Variants in RXRA observed in about 807,000 individuals in gnomAD.
RXRA encodes the protein retinoid X receptor alpha.
In RXRA, 5 loss-of-function variants were observed where a neutral mutation model predicts 44.5. The ratio of observed to expected loss-of-function variants is 0.11; its 90% CI spans 0.06 to 0.24. The LOEUF (loss-of-function observed/expected upper bound fraction) is 0.24. Ranked by LOEUF, RXRA falls within the 10% of genes least tolerant of loss-of-function variation. RXRA has a pLI of 1.00. For missense variants in RXRA, 412 were observed against 646.5 expected (o/e 0.64, Z 3.93); for synonymous variants, 291 against 271.4 (o/e 1.07, Z -0.71).
chr9:134,348,956 G>A (rs1830187974), intron 1 of RXRA, among the ~76,000 whole-genome samples: 1 of 152,214 alleles, frequency 6.6e-6, no homozygotes, highest in South Asian at 2.1e-4. Context: ...AGTGCCAACC[G>A]TGGCGTTGCG....
chr9:134,354,262 G>A (rs1311493121), intron 1 of RXRA, among the ~76,000 whole-genome samples: 1 of 152,192 alleles, frequency 6.6e-6, no homozygotes, highest in Non-Finnish European at 1.5e-5. Flanking sequence ...CGGTCTCTGC[G>A]GCTAATCTAA....
chr9:134,355,085 A>C (rs546873899), intron 1 of RXRA, among the ~76,000 whole-genome samples: 1 of 152,346 alleles, frequency 6.6e-6, no homozygotes, highest in Admixed American at 6.5e-5. Flanking sequence ...GCGGTGGCTC[A>C]GCTCCAATTC....
intron 1 of RXRA, among the ~76,000 whole-genome samples, chr9:134,381,847 T>G (rs115949070): frequency 0.02 from 3,111 of 152,152 alleles, 98 homozygotes; most frequent in African/African-American, 0.069. Flanking sequence ...CGTCGTGAAG[T>G]GGCCACAAGG....
At chr9:134,328,847 A>G (rs1190443991) in intron 1 of RXRA, among the ~76,000 whole-genome samples, 2 of 151,882 alleles carry the variant, frequency 1.3e-5, no homozygotes, top group Non-Finnish European at 2.9e-5. Context: ...CCCAGCATTC[A>G]CTACCGCTGG....
chr9:134,369,661 G>A lies in RXRA; in HGVS notation c.29-31971G>A, dbSNP rs555490165. 5.3e-5 allele frequency among the ~76,000 whole-genome samples: 8 copies of A among 152,114 alleles called. No individual in the cohort carries two copies. In the South Asian group the frequency reaches 6.2e-4, roughly 12 times the overall value. On this transcript the variant is annotated intron_variant, in intron 1 of 9. Coordinates refer to ENST00000481739, the MANE Select transcript of RXRA (RefSeq NM_002957.6). Reference sequence around the variant, plus strand: ...CCCACCCAGGGCCTCCTCCCTGTGGGCATGGGAGTCATGGGCCTGGGTTTG... The same window carrying A: ...CCCACCCAGGGCCTCCTCCCTGTGGACATGGGAGTCATGGGCCTGGGTTTG...
At chr9:134,387,911 C>T (rs1830743395) in intron 1 of RXRA, among the ~76,000 whole-genome samples, 1 of 152,118 alleles carries the variant, frequency 6.6e-6, no homozygotes, top group Non-Finnish European at 1.5e-5. Context: ...TTTGAAAGCC[C>T]CAGCCTCTTG....
intron 1 of RXRA, chr9:134,380,241 G>C (rs1177263262): frequency 6.2e-6 from 6 of 962,244 alleles, no homozygotes; most frequent in Non-Finnish European, 7.4e-6. Flanking sequence ...CCGATCCCAG[G>C]ATGGGAGTGG....
At chr9:134,384,959 C>T (rs1830697559) in intron 1 of RXRA, among the ~76,000 whole-genome samples, 3 of 152,194 alleles carry the variant, frequency 2.0e-5, no homozygotes, top group Admixed American at 2.0e-4. Context: ...CCCTGTGTGA[C>T]ATCTTGGCGG....
intron 1 of RXRA, among the ~76,000 whole-genome samples, chr9:134,399,052 G>A (rs2119136670): frequency 6.6e-6 from 1 of 152,366 alleles, no homozygotes; most frequent in Middle Eastern, 3.4e-3. Context: ...CAGTCTGTGT[G>A]GATTTGGGGC....
At position 134,326,736 on chromosome 9, in the gene RXRA, TGGC is replaced by T. The variant is rs1314419776; in HGVS notation, c.28+82_28+84del. On this transcript the variant is annotated intron_variant, in intron 1 of 9. Transcript: ENST00000481739. Reference sequence around the variant, plus strand: ...GGGCGGGAGGGGGCCGGGGGCGCGTTGGCGGCGCGCGCGGGGGGTCGCCGGCCC... The same window carrying T: ...GGGCGGGAGGGGGCCGGGGGCGCGTTGGCGCGCGCGGGGGGTCGCCGGCCC... The T allele has an allele frequency of 1.2e-5, 3 of 240,186 alleles. No homozygotes were observed. In the Admixed American group the frequency reaches 2.2e-4, roughly 17 times the overall value. 14.9% of individuals were successfully genotyped at this position (240,186 alleles called of 1,614,324 possible).
rs760115331 is a variant in RXRA at position 134,407,715 on chromosome 9, C to T, written c.280-434C>T. ...CTCCGTCCTGGGAACTGGGCTTCGG[C>T]GTCCTCATGTGTGGGTTGGGACCCC... On this transcript the variant is annotated intron_variant, in intron 2 of 9. Coordinates refer to ENST00000481739, the MANE Select transcript of RXRA (RefSeq NM_002957.6). This position sits in a 1 kb window ranked among gnomAD's most constrained non-coding sequence, Gnocchi z 4.8. Among the ~76,000 whole-genome samples, 13 of 152,200 alleles carry T rather than the reference C, an allele frequency of 8.5e-5. No homozygotes were observed. The highest frequency in any genetic ancestry group is 1.9e-4 in the East Asian group (1 of 5,142).
At chr9:134,345,691 C>A (rs781875702) in intron 1 of RXRA, among the ~76,000 whole-genome samples, 2 of 152,232 alleles carry the variant, frequency 1.3e-5, no homozygotes, top group Non-Finnish European at 2.9e-5. Flanking sequence ...AGAGCCAAGG[C>A]AGGAGGGAGC....
In RXRA at chr9:134,434,099, C is replaced by T. The variant is rs1366779585; in HGVS notation, c.1136-3C>T. ...GTTCTGACCTGTGGCTTCTTCCTTT[C>T]AGACTCCAAGGGGCTCTCGAACCCG... On this transcript the variant is annotated splice_polypyrimidine_tract_variant and splice_region_variant and intron_variant, in intron 8 of 9. Transcript: ENST00000481739. 1 of 1,612,204 alleles carries T rather than the reference C, an allele frequency of 6.2e-7. No homozygotes were observed. Among genetic ancestry groups the T allele is most frequent in the Non-Finnish European group, 8.5e-7 (1 of 1,178,852 alleles).
At chr9:134,396,496 G>A (rs1358007393) in intron 1 of RXRA, among the ~76,000 whole-genome samples, 4 of 152,082 alleles carry the variant, frequency 2.6e-5, no homozygotes, top group Non-Finnish European at 4.4e-5. Flanking sequence ...TGCTTGCAAC[G>A]GGGTTTCAGT....
intron 1 of RXRA, among the ~76,000 whole-genome samples, chr9:134,330,736 G>A (rs1834991920): frequency 6.6e-6 from 1 of 152,238 alleles, no homozygotes; most frequent in Admixed American, 6.5e-5. Flanking sequence ...TGCTGGGCGG[G>A]TGGTCAGGCC....
intron 1 of RXRA, among the ~76,000 whole-genome samples, chr9:134,339,486 C>T (rs1830055876): frequency 7.0e-6 from 1 of 143,030 alleles, no homozygotes; most frequent in African/African-American, 2.6e-5. Flanking sequence ...GGTGTGCATG[C>T]CCACGCCCTT....
At chr9:134,392,537 C>T (rs936518193) in intron 1 of RXRA, among the ~76,000 whole-genome samples, 1 of 152,190 alleles carries the variant, frequency 6.6e-6, no homozygotes, top group Admixed American at 6.5e-5. Flanking sequence ...CAGAGCTGCG[C>T]GATTTCCATC....
intron 1 of RXRA, among the ~76,000 whole-genome samples, chr9:134,348,782 T>C (rs1279172820): frequency 4.9e-5 from 6 of 123,104 alleles, no homozygotes; most frequent in African/African-American, 2.6e-4. Flanking sequence ...CAGGATTCGG[T>C]GGTCAGAAGA....
chr9:134,387,307 G>A (rs1204308273), intron 1 of RXRA, among the ~76,000 whole-genome samples: 3 of 152,238 alleles, frequency 2.0e-5, no homozygotes, highest in Non-Finnish European at 4.4e-5. Flanking sequence ...GTGCTCAGGT[G>A]CCTTCACAGA....
Sources: allele counts gnomAD v4.1 joint callset (sites outside exome capture counted in the v4.1 genomes callset), GRCh38; gene constraint gnomAD v4.1.1; non-coding constraint Gnocchi (gnomAD v3.1); transcripts MANE v1.5; gene names NCBI Gene and HGNC (gene_info 2026-07-23, HGNC 2026-07-21).